COL27A1: variants seen among roughly 807,000 people sequenced by gnomAD.
COL27A1 encodes collagen alpha-1(XXVII) chain.
Under a neutral mutation model 251.3 loss-of-function variants are expected in COL27A1, and 106 were observed. The ratio of observed to expected loss-of-function variants is 0.42; its 90% CI spans 0.36 to 0.50. The LOEUF is 0.50. COL27A1 is among the 20% of genes least tolerant of loss of function. COL27A1 has a pLI of 0.00. For missense variants in COL27A1, 2,325 were observed against 2,522.8 expected, an observed-to-expected ratio of 0.92 and a Z score of 1.68; for synonymous variants, 1,000 against 986.3, an observed-to-expected ratio of 1.01 and a Z score of -0.26.
chr9:114,237,822 G>C, intron 19 of COL27A1, 107 bp downstream of exon 19: 3 of 845,248 alleles, frequency 3.5e-6, no homozygotes, highest in Non-Finnish European at 6.0e-6. Flanking sequence ...GGTCACACAG[G>C]ATATGAGAGA....
Position 114,168,043 on chromosome 9 carries a change from T to C in COL27A1, c.488T>C (p.Leu163Pro), listed in dbSNP as rs769725938. ...CGCTGGCACCACCTGGCCCTCGAGC[T>C]CCGAGGCCGCACAGTCACTCTGGTG... ...DGRWHHLALELRGRTVTLVTA... is the reference protein window; with the variant it reads ...DGRWHHLALEPRGRTVTLVTA... The change falls in exon 3 of 61, where the codon CTC becomes CCC. Residue 163 changes from leucine (L) to proline (P), a missense_variant. Transcript: ENST00000356083. The C allele has an allele frequency of 1.9e-6, 3 of 1,606,574 alleles. No individual in the cohort carries two copies. The highest frequency in any genetic ancestry group is 3.3e-5 in the Admixed American group (2 of 59,984).
At chr9:114,163,126 C>T (rs1003235168) in intron 2 of COL27A1, among the ~76,000 whole-genome samples, 24 of 151,928 alleles carry the variant, frequency 1.6e-4, no homozygotes, top group African/African-American at 5.6e-4. Flanking sequence ...CCCAGCTACT[C>T]GGGAGGCTGA....
In COL27A1 at chr9:114,228,056, C is replaced by T. The variant is rs542605666; in HGVS notation, c.2467-3023C>T. ...GGGTCTCTCTTCCAGATTCCTTCTC[C>T]CCTGGGGTTGCCCATGCCCATGGGA... is the stretch of plus-strand genomic sequence containing the variant. On this transcript the variant is annotated intron_variant, in intron 14 of 60. Coordinates refer to ENST00000356083, the MANE Select transcript of COL27A1 (RefSeq NM_032888.4). Among the ~76,000 whole-genome samples the T allele has an allele frequency of 3.9e-5, 6 of 152,296 alleles. 1 individual carries two copies. The highest frequency in any genetic ancestry group is 3.4e-3 in the Middle Eastern group (1 of 292).
Position 114,196,024 on chromosome 9 carries a change from T to A in COL27A1, c.2124+12T>A. Reference sequence around the variant, plus strand: ...CTCCGGGACGAAAGGTACTGTTTGGTTTTGATGCTTTGCCTTGCGCAGTGG... The same window carrying A: ...CTCCGGGACGAAAGGTACTGTTTGGATTTGATGCTTTGCCTTGCGCAGTGG... On this transcript the variant is annotated intron_variant, in intron 7 of 60. Transcript: ENST00000356083. 1 of 1,613,516 alleles carries A rather than the reference T, an allele frequency of 6.2e-7. No individual in the cohort carries two copies. Among genetic ancestry groups the A allele is most frequent in the Non-Finnish European group, 8.5e-7 (1 of 1,179,560 alleles).
intron 12 of COL27A1, among the ~76,000 whole-genome samples, chr9:114,215,677 A>G (rs532578391): frequency 6.6e-6 from 1 of 152,316 alleles, no homozygotes; most frequent in Non-Finnish European, 1.5e-5. Context: ...GTTAGACTTA[A>G]GCAGGAACTT....
chr9:114,311,307 C>T lies in COL27A1; in HGVS notation c.*612C>T, dbSNP rs1465848156. 5 of 149,070 alleles carry T rather than the reference C, an allele frequency of 3.4e-5. No individual in the cohort carries two copies. Among genetic ancestry groups the T allele is most frequent in the African/African-American group, 7.4e-5 (3 of 40,310 alleles). 9.2% of individuals were successfully genotyped at this position (149,070 alleles called of 1,614,324 possible). On this transcript the variant is annotated 3_prime_UTR_variant, in exon 61 of 61. Transcript: ENST00000356083. Reference sequence around the variant, plus strand: ...CTCCCACTGTGAAATCGCTGGTGCTCACAATTGTCTCTCACAGTGTATGTG... The same window carrying T: ...CTCCCACTGTGAAATCGCTGGTGCTTACAATTGTCTCTCACAGTGTATGTG...
intron 48 of COL27A1, among the ~76,000 whole-genome samples, chr9:114,291,411 G>A (rs560949517): frequency 2.6e-4 from 39 of 152,262 alleles, no homozygotes; most frequent in African/African-American, 8.2e-4. Flanking sequence ...CACAGGAGGC[G>A]GAGGGAGCGA....
chr9:114,279,456 C>T (rs1053203693), intron 37 of COL27A1, among the ~76,000 whole-genome samples: 1 of 151,998 alleles, frequency 6.6e-6, no homozygotes, highest in Non-Finnish European at 1.5e-5. Context: ...TAGTGCAGTC[C>T]GATAGAAATG....
At chr9:114,191,234 C>T (rs759117041) in intron 5 of COL27A1, among the ~76,000 whole-genome samples, 16 of 152,124 alleles carry the variant, frequency 1.1e-4, no homozygotes, top group African/African-American at 3.6e-4. Context: ...CTGCAAGAAC[C>T]TAAATCCCAC....
At chr9:114,236,403 C>T (rs1832402436) in intron 17 of COL27A1, among the ~76,000 whole-genome samples, 1 of 152,202 alleles carries the variant, frequency 6.6e-6, no homozygotes, top group South Asian at 2.1e-4. Context: ...GAGGGAGTAA[C>T]TGGCCTTACA....
intron 14 of COL27A1, among the ~76,000 whole-genome samples, chr9:114,230,623 G>A (rs943507396): frequency 1.3e-5 from 2 of 152,138 alleles, no homozygotes; most frequent in Non-Finnish European, 2.9e-5. Flanking sequence ...GCCCTCCTCA[G>A]AGAGAGCCAA....
chr9:114,243,300 G>A (rs1333073803), intron 22 of COL27A1, among the ~76,000 whole-genome samples: 1 of 152,192 alleles, frequency 6.6e-6, no homozygotes, highest in Non-Finnish European at 1.5e-5. Flanking sequence ...GGATGGGGGA[G>A]GCTTCCCTGA....
At chr9:114,207,561 A>G (rs1830052953) in intron 10 of COL27A1, among the ~76,000 whole-genome samples, 1 of 152,152 alleles carries the variant, frequency 6.6e-6, no homozygotes, top group Admixed American at 6.5e-5. Context: ...TGGCATCTCA[A>G]AGTCACATAG....
chr9:114,256,115 G>T (rs957308258), intron 27 of COL27A1, among the ~76,000 whole-genome samples: 3 of 152,160 alleles, frequency 2.0e-5, no homozygotes, highest in African/African-American at 7.2e-5. Context: ...TGGTGATATT[G>T]TTCACACCTG....
chr9:114,191,281 T>C (rs1828729732), intron 5 of COL27A1, among the ~76,000 whole-genome samples: 1 of 152,190 alleles, frequency 6.6e-6, no homozygotes, highest in South Asian at 2.1e-4. Context: ...ATTTTAAGTT[T>C]CGGGCCACAT....
intron 27 of COL27A1, among the ~76,000 whole-genome samples, chr9:114,254,937 C>T (rs1833822419): frequency 6.6e-6 from 1 of 152,100 alleles, no homozygotes; most frequent in African/African-American, 2.4e-5. Context: ...ATGCCAGGGG[C>T]CGAGGAGGTA....
At chr9:114,281,872 G>A (rs987519965) in intron 37 of COL27A1, among the ~76,000 whole-genome samples, 2 of 152,180 alleles carry the variant, frequency 1.3e-5, no homozygotes, top group Admixed American at 6.5e-5. Context: ...GTTCAAGGTC[G>A]TTGGGAGGGT....
chr9:114,176,572 G>A (rs966720884), intron 3 of COL27A1, among the ~76,000 whole-genome samples: 5 of 151,888 alleles, frequency 3.3e-5, no homozygotes, highest in Non-Finnish European at 7.4e-5. Flanking sequence ...ACCCAGGCCC[G>A]TGGTGTTACA....
chr9:114,257,861 G>A (rs1834037929), intron 27 of COL27A1, among the ~76,000 whole-genome samples: 2 of 152,138 alleles, frequency 1.3e-5, no homozygotes, highest in Admixed American at 1.3e-4. Flanking sequence ...TTCTGGTGGG[G>A]GAGAAAAAGG....
Sources: allele counts gnomAD v4.1 joint callset (sites outside exome capture counted in the v4.1 genomes callset), GRCh38; gene constraint gnomAD v4.1.1; transcripts MANE v1.5; gene names NCBI Gene and HGNC (gene_info 2026-07-23, HGNC 2026-07-21).